CLIP4: variants seen among roughly 807,000 people sequenced by gnomAD.
CLIP4 encodes CAP-Gly domain containing linker protein family member 4.
CLIP4 carries 47 observed loss-of-function variants against 73.1 expected under a neutral mutation model. That is an observed-to-expected ratio of 0.64 (90% CI 0.51 to 0.82). CLIP4 has a LOEUF of 0.82. CLIP4 is among the 40% of genes least tolerant of loss of function. The probability of loss-of-function intolerance (pLI) is 0.00; values close to 1 mark genes in which losing one functional copy is unlikely to be tolerated. For synonymous variants in CLIP4, 306 were observed against 295.4 expected (o/e 1.04, Z -0.37); for missense variants, 874 against 852.9 (o/e 1.02, Z -0.31).
At chr2:29,116,287 G>C (rs1663827962) in intron 1 of CLIP4, among the ~76,000 whole-genome samples, 1 of 152,206 alleles carries the variant, frequency 6.6e-6, no homozygotes, top group Non-Finnish European at 1.5e-5. Context: ...ATGTCAGGCT[G>C]TTCACGTCAT....
At chr2:29,101,124 T>C (rs1185313066) in intron 1 of CLIP4, among the ~76,000 whole-genome samples, 1 of 151,990 alleles carries the variant, frequency 6.6e-6, no homozygotes, top group African/African-American at 2.4e-5. Flanking sequence ...ACCCTGTCTC[T>C]ACTAAAAATA....
chr2:29,179,288 A>G (rs1254720906), intron 15 of CLIP4, among the ~76,000 whole-genome samples: 1 of 152,164 alleles, frequency 6.6e-6, no homozygotes, highest in Non-Finnish European at 1.5e-5. Flanking sequence ...TCATTTTTCT[A>G]GAATATGTTT....
At chr2:29,120,786 A>T (rs771512614) in intron 1 of CLIP4, among the ~76,000 whole-genome samples, 3 of 152,152 alleles carry the variant, frequency 2.0e-5, no homozygotes, top group Non-Finnish European at 4.4e-5. Flanking sequence ...CATGTGCTTT[A>T]AAAGGCATGG....
chr2:29,160,513 A>C, intron 12 of CLIP4, 46 bp downstream of exon 12: 1 of 1,592,238 alleles, frequency 6.3e-7, no homozygotes, highest in South Asian at 1.1e-5. Flanking sequence ...TTAGAGTACA[A>C]AAGGTTTAAA....
intron 2 of CLIP4, chr2:29,130,029 G>A (rs769444308): frequency 6.6e-5 from 31 of 470,880 alleles, no homozygotes; most frequent in Non-Finnish European, 1.2e-4. Flanking sequence ...CTTTTGAACA[G>A]AATAGGTTGA....
chr2:29,155,456 G>T (rs1367443952), intron 9 of CLIP4, among the ~76,000 whole-genome samples: 1 of 151,968 alleles, frequency 6.6e-6, no homozygotes, highest in Non-Finnish European at 1.5e-5. Flanking sequence ...GGAAATCTCA[G>T]ACTGGTGAAT....
At chr2:29,134,440 A>G (rs1665204586) in intron 5 of CLIP4, among the ~76,000 whole-genome samples, 1 of 152,208 alleles carries the variant, frequency 6.6e-6, no homozygotes. Context: ...TCCCCATTGT[A>G]GGAACATGCT....
intron 2 of CLIP4, among the ~76,000 whole-genome samples, chr2:29,126,305 T>A (rs953772809): frequency 3.3e-5 from 5 of 152,264 alleles, no homozygotes; most frequent in Non-Finnish European, 5.9e-5. Flanking sequence ...GATATGTTAA[T>A]ATATTATTGC....
At chr2:29,116,511 C>T (rs1663851602) in intron 1 of CLIP4, among the ~76,000 whole-genome samples, 1 of 152,196 alleles carries the variant, frequency 6.6e-6, no homozygotes, top group Non-Finnish European at 1.5e-5. Flanking sequence ...ACTTCACTTT[C>T]ACTTTGACGT....
At chr2:29,137,384 A>G (rs1360535394) in intron 6 of CLIP4, among the ~76,000 whole-genome samples, 3 of 152,318 alleles carry the variant, frequency 2.0e-5, no homozygotes, top group African/African-American at 7.2e-5. Flanking sequence ...ACTGTGTAGT[A>G]TGCCCTATAT....
At chr2:29,163,757 T>G in intron 12 of CLIP4, 74 bp from the exon 13 acceptor site, 1 of 1,425,212 alleles carries the variant, frequency 7.0e-7, no homozygotes, top group South Asian at 1.6e-5. Context: ...ACACCTCGAC[T>G]TTGGTTTTGT....
chr2:29,178,856 A>T (rs1044955870), intron 15 of CLIP4, among the ~76,000 whole-genome samples: 1 of 152,104 alleles, frequency 6.6e-6, no homozygotes, highest in Non-Finnish European at 1.5e-5. Flanking sequence ...GAGCAGTGGC[A>T]CTATCTCAGC....
intron 15 of CLIP4, chr2:29,174,662 A>G (rs1668220016): frequency 3.2e-6 from 4 of 1,260,026 alleles, no homozygotes; most frequent in Non-Finnish European, 4.0e-6. Flanking sequence ...TGCACTGCAT[A>G]TATTTTATCT....
chr2:29,135,424 T>C, intron 5 of CLIP4, 124 bp from the exon 6 acceptor site: 2 of 537,746 alleles, frequency 3.7e-6, no homozygotes, highest in Non-Finnish European at 6.4e-6. Flanking sequence ...AAATCATGCC[T>C]CTAGTGGGTT....
At chr2:29,142,328 G>T (rs1271448821) in intron 6 of CLIP4, among the ~76,000 whole-genome samples, 2 of 151,244 alleles carry the variant, frequency 1.3e-5, no homozygotes, top group Non-Finnish European at 2.9e-5. Flanking sequence ...TTTAACAGAA[G>T]TTTCGATTGT....
At chr2:29,128,051 C>T (rs1032049341) in intron 2 of CLIP4, among the ~76,000 whole-genome samples, 3 of 152,098 alleles carry the variant, frequency 2.0e-5, no homozygotes, top group African/African-American at 7.2e-5. Context: ...TAAGCATCAC[C>T]TTTGACAATG....
chr2:29,169,696 G>A (rs755329869), intron 14 of CLIP4, among the ~76,000 whole-genome samples: 1 of 152,082 alleles, frequency 6.6e-6, no homozygotes, highest in Non-Finnish European at 1.5e-5. Flanking sequence ...TAATCATTAA[G>A]TCAGGGTAAT....
intron 1 of CLIP4, among the ~76,000 whole-genome samples, chr2:29,098,390 G>A (rs1667939848): frequency 6.6e-6 from 1 of 152,172 alleles, no homozygotes; most frequent in Non-Finnish European, 1.5e-5. Context: ...AGTCTCCTGT[G>A]CTCCATCTGG....
At chr2:29,147,538 GT>G (rs1666254751) in intron 8 of CLIP4, among the ~76,000 whole-genome samples, 1 of 151,830 alleles carries the variant, frequency 6.6e-6, no homozygotes, top group Non-Finnish European at 1.5e-5. Flanking sequence ...TTCTTTAAAT[GT>G]TTATATTTTT....
Sources: allele counts gnomAD v4.1 joint callset (sites outside exome capture counted in the v4.1 genomes callset), GRCh38; gene constraint gnomAD v4.1.1; transcripts MANE v1.5; gene names NCBI Gene and HGNC (gene_info 2026-07-23, HGNC 2026-07-21).